ST6GALNAC5: variants seen among roughly 807,000 people sequenced by gnomAD.
ST6GALNAC5 encodes the protein ST6 N-acetylgalactosaminide alpha-2,6-sialyltransferase 5, also known as alpha-N-acetylgalactosaminide alpha-2,6-sialyltransferase 5.
In ST6GALNAC5, 27 loss-of-function variants were observed where a neutral mutation model predicts 33.6. That is an observed-to-expected ratio of 0.80 (90% CI 0.59 to 1.11). The LOEUF (loss-of-function observed/expected upper bound fraction) is 1.11, where lower values mean the gene tolerates loss of function less well. Ranked by LOEUF, ST6GALNAC5 falls within the 50% of genes least tolerant of loss-of-function variation. The pLI is 0.00. For missense variants in ST6GALNAC5, 428 were observed against 454.0 expected (o/e 0.94, Z 0.52); for synonymous variants, 194 against 171.2 (o/e 1.13, Z -1.04).
At chr1:76,880,045 T>C (rs1301070508) in intron 2 of ST6GALNAC5, among the ~76,000 whole-genome samples, 1 of 152,220 alleles carries the variant, frequency 6.6e-6, no homozygotes, top group Admixed American at 6.5e-5. Flanking sequence ...GCTCAGTATC[T>C]GCTTCTGAAG....
intron 2 of ST6GALNAC5, among the ~76,000 whole-genome samples, chr1:76,977,047 G>T (rs759838762): frequency 3.3e-5 from 5 of 152,146 alleles, no homozygotes; most frequent in South Asian, 2.1e-4. Flanking sequence ...GAGTAATAAG[G>T]TTCTAGCACA....
intron 4 of ST6GALNAC5, among the ~76,000 whole-genome samples, chr1:77,057,478 T>C (rs1286206052): frequency 6.6e-6 from 1 of 152,066 alleles, no homozygotes; most frequent in East Asian, 1.9e-4. Flanking sequence ...GATGAGGAAG[T>C]GGATAGCTGT....
At chr1:76,896,716 G>A (rs1215024258) in intron 2 of ST6GALNAC5, among the ~76,000 whole-genome samples, 1 of 152,166 alleles carries the variant, frequency 6.6e-6, no homozygotes, top group African/African-American at 2.4e-5. Context: ...GAGTACAGCT[G>A]AAGGAGCCGG....
intron 2 of ST6GALNAC5, among the ~76,000 whole-genome samples, chr1:76,931,691 A>G (rs958629078): frequency 3.9e-5 from 6 of 152,138 alleles, no homozygotes; most frequent in Non-Finnish European, 8.8e-5. Flanking sequence ...TGTTGTTAGG[A>G]ATGTATGAGA....
chr1:76,976,660 A>G (rs562944235), intron 2 of ST6GALNAC5, among the ~76,000 whole-genome samples: 4 of 152,216 alleles, frequency 2.6e-5, no homozygotes, highest in South Asian at 2.1e-4. Context: ...AAAATTGTCT[A>G]TTTTATCTAG....
chr1:76,900,565 T>C (rs943214725), intron 2 of ST6GALNAC5, among the ~76,000 whole-genome samples: 1 of 152,198 alleles, frequency 6.6e-6, no homozygotes, highest in Non-Finnish European at 1.5e-5. Flanking sequence ...AGCCAATTAT[T>C]TTGGTTTCTC....
intron 2 of ST6GALNAC5, among the ~76,000 whole-genome samples, chr1:76,885,483 T>C (rs1653872232): frequency 6.6e-6 from 1 of 152,234 alleles, no homozygotes; most frequent in South Asian, 2.1e-4. Context: ...TCTAGTTTTT[T>C]ATTCATCTAT....
chr1:76,968,331 A>C (rs908144867), intron 2 of ST6GALNAC5, among the ~76,000 whole-genome samples: 1 of 152,156 alleles, frequency 6.6e-6, no homozygotes, highest in Non-Finnish European at 1.5e-5. Flanking sequence ...CTTTGCCATT[A>C]TGTAATGGCC....
chr1:77,030,460 G>A (rs895390942), intron 2 of ST6GALNAC5, among the ~76,000 whole-genome samples: 22 of 152,196 alleles, frequency 1.4e-4, no homozygotes, highest in Admixed American at 2.6e-4. Flanking sequence ...TGTAAAAATT[G>A]ATCGTCATTA....
chr1:77,001,166 C>A (rs7328916), intron 2 of ST6GALNAC5, among the ~76,000 whole-genome samples: 2 of 143,444 alleles, frequency 1.4e-5, no homozygotes, highest in East Asian at 2.1e-4. Context: ...CTTTTATTTC[C>A]TTGAGCAGTG....
rs371350012 is a variant in ST6GALNAC5, at chr1:76,969,760, AGAGACCTCCCAG to A, written c.262-74443_262-74432del. ...CTGACCCCCGTGTAGCCTAACTGGG[AGAGACCTCCCAG>A]TAGTGGCCGACTGACACCTCATACA... is the stretch of plus-strand genomic sequence containing the variant. On this transcript the variant is annotated intron_variant, in intron 2 of 4. Coordinates refer to ENST00000477717, the MANE Select transcript of ST6GALNAC5 (RefSeq NM_030965.3). 2.2e-3 allele frequency among the ~76,000 whole-genome samples: 335 copies of A among 152,216 alleles called. 1 individual carries two copies. Among genetic ancestry groups the A allele is most frequent in the African/African-American group, 7.4e-3 (307 of 41,550 alleles).
chr1:77,031,664 C>T (rs1192591857), intron 2 of ST6GALNAC5, among the ~76,000 whole-genome samples: 1 of 152,174 alleles, frequency 6.6e-6, no homozygotes, highest in Non-Finnish European at 1.5e-5. Flanking sequence ...TTGCTCTATA[C>T]TCAAGCATGT....
intron 2 of ST6GALNAC5, among the ~76,000 whole-genome samples, chr1:76,945,909 A>G (rs1461399122): frequency 6.6e-6 from 1 of 152,060 alleles, no homozygotes. Flanking sequence ...ATAGCCTTTT[A>G]TTGTTGTTGT....
chr1:76,989,845 G>A (rs1204601811), intron 2 of ST6GALNAC5, among the ~76,000 whole-genome samples: 1 of 152,006 alleles, frequency 6.6e-6, no homozygotes, highest in Non-Finnish European at 1.5e-5. Context: ...GCCAGCAAGG[G>A]GTACAGCTTC....
chr1:77,046,828 C>T (rs1652029365), intron 3 of ST6GALNAC5, among the ~76,000 whole-genome samples: 1 of 152,176 alleles, frequency 6.6e-6, no homozygotes, highest in South Asian at 2.1e-4. Flanking sequence ...TCCTAAAACA[C>T]TGCCGCAATG....
intron 2 of ST6GALNAC5, among the ~76,000 whole-genome samples, chr1:76,963,310 A>G (rs1376157622): frequency 6.6e-6 from 1 of 152,242 alleles, no homozygotes; most frequent in African/African-American, 2.4e-5. Flanking sequence ...GACTAAGATC[A>G]CACAGCGAGT....
At chr1:77,044,726 A>G (rs1651952395) in intron 3 of ST6GALNAC5, 113 bp downstream of exon 3, 1 of 1,309,286 alleles carries the variant, frequency 7.6e-7, no homozygotes, top group Non-Finnish European at 1.0e-6. Context: ...TCCACTGCTC[A>G]TGTCATTGCT....
intron 2 of ST6GALNAC5, among the ~76,000 whole-genome samples, chr1:77,010,910 C>T (rs1050175130): frequency 6.6e-6 from 1 of 152,240 alleles, no homozygotes; most frequent in Non-Finnish European, 1.5e-5. Flanking sequence ...TGAGCTGCTT[C>T]TATCTTCCCA....
intron 2 of ST6GALNAC5, among the ~76,000 whole-genome samples, chr1:76,875,257 T>C (rs1653611595): frequency 1.3e-5 from 2 of 152,156 alleles, no homozygotes; most frequent in Non-Finnish European, 2.9e-5. Context: ...TTTTTCCTGG[T>C]GGAGTGACCC....
Sources: allele counts gnomAD v4.1 joint callset (sites outside exome capture counted in the v4.1 genomes callset), GRCh38; gene constraint gnomAD v4.1.1; transcripts MANE v1.5; gene names NCBI Gene and HGNC (gene_info 2026-07-23, HGNC 2026-07-21).